Variants in GALNT2 observed in about 807,000 individuals in gnomAD.
The protein encoded by GALNT2 is polypeptide N-acetylgalactosaminyltransferase 2.
In GALNT2, 31 loss-of-function variants were observed where a neutral mutation model predicts 81.4. The ratio of observed to expected loss-of-function variants is 0.38; its 90% CI spans 0.29 to 0.51. The LOEUF (loss-of-function observed/expected upper bound fraction) is 0.51, where lower values mean the gene tolerates loss of function less well. GALNT2 is among the 20% of genes least tolerant of loss of function. GALNT2 has a pLI of 0.87. For missense variants in GALNT2, 629 were observed against 765.7 expected (o/e 0.82, Z 2.11); for synonymous variants, 303 against 287.4 (o/e 1.05, Z -0.55).
At chr1:230,156,250 TGTG>T (rs1662253587) in intron 1 of GALNT2, among the ~76,000 whole-genome samples, 4 of 149,738 alleles carry the variant, frequency 2.7e-5, no homozygotes, top group Non-Finnish European at 5.9e-5. Context: ...AGAGAGTGTG[TGTG>T]TGTGTGTGTG....
At chr1:230,183,701 G>A (rs1206725111) in intron 2 of GALNT2, among the ~76,000 whole-genome samples, 1 of 152,218 alleles carries the variant, frequency 6.6e-6, no homozygotes, top group Non-Finnish European at 1.5e-5. Context: ...AAATAGGCGA[G>A]GAGCAGTGGC....
Position 230,163,215 on chromosome 1 carries a change from T to C in GALNT2, c.127-15003T>C, listed in dbSNP as rs968730313. 5.9e-5 allele frequency among the ~76,000 whole-genome samples: 9 copies of C among 152,122 alleles called. No individual in the cohort carries two copies. The East Asian group carries it at 1.7e-3, about 29-fold the overall frequency. On this transcript the variant is annotated intron_variant, in intron 1 of 15. Transcript: ENST00000366672. ...AACTTTTGTCAAAGGAATTGTTAAA[T>C]CCCCCAACCTTCATGTGCAGTGAGG...
At position 230,212,708 on chromosome 1, in the gene GALNT2, A is replaced by G. The variant is rs115033204; in HGVS notation, c.374+9418A>G. Among the ~76,000 whole-genome samples, 584 of 152,270 alleles carry G rather than the reference A, an allele frequency of 3.8e-3. 7 individuals carry two copies. Among genetic ancestry groups the G allele is most frequent in the African/African-American group, 0.014 (565 of 41,550 alleles). ...TCCCAGGTTGTAACTTGCATCTGAT[A>G]TGCACAGTTCACACCAAAGCCATGT... On this transcript the variant is annotated intron_variant, in intron 3 of 15. Coordinates refer to ENST00000366672, the MANE Select transcript of GALNT2 (RefSeq NM_004481.5).
intron 13 of GALNT2, 148 bp downstream of exon 13, chr1:230,263,153 G>A: frequency 1.5e-6 from 1 of 649,034 alleles, no homozygotes; most frequent in Admixed American, 2.8e-5. Context: ...TCACTCCATG[G>A]TGTGGAGCTG....
rs1659345613 is a variant in GALNT2, at chr1:230,070,681, A to T, written c.126+3275A>T. On this transcript the variant is annotated intron_variant, in intron 1 of 15. Coordinates refer to ENST00000366672, the MANE Select transcript of GALNT2 (RefSeq NM_004481.5). The surrounding 1 kb of genome is among the most constrained non-coding windows in gnomAD (Gnocchi z 4.7). ...CCAAGGGTGGGGGACTTTGGGTGGGATCTTCTAGGAATCATGCGGGGAGGC... is the reference window on the plus strand; with the variant it reads ...CCAAGGGTGGGGGACTTTGGGTGGGTTCTTCTAGGAATCATGCGGGGAGGC... Among the ~76,000 whole-genome samples, 1 of 151,986 alleles carries T rather than the reference A, an allele frequency of 6.6e-6. No homozygotes were observed. Among genetic ancestry groups the T allele is most frequent in the Non-Finnish European group, 1.5e-5 (1 of 67,996 alleles).
At chr1:230,274,013 A>T (rs977112396) in intron 14 of GALNT2, among the ~76,000 whole-genome samples, 1 of 152,338 alleles carries the variant, frequency 6.6e-6, no homozygotes, top group East Asian at 1.9e-4. Context: ...TGCAGGCCAT[A>T]CCTGCATGAG....
intron 1 of GALNT2, among the ~76,000 whole-genome samples, chr1:230,133,515 A>G (rs1282436112): frequency 1.3e-5 from 2 of 149,542 alleles, no homozygotes; most frequent in Non-Finnish European, 3.0e-5. Context: ...GTGCAGTGGC[A>G]TGATCTCAGC....
intron 1 of GALNT2, among the ~76,000 whole-genome samples, chr1:230,138,946 CTT>C (rs1340129496): frequency 6.6e-6 from 1 of 152,152 alleles, no homozygotes. Flanking sequence ...ATGCTGACCT[CTT>C]GTCTTATCCT....
chr1:230,236,810 G>A (rs1665047766), intron 6 of GALNT2, 85 bp downstream of exon 6: 2 of 1,327,702 alleles, frequency 1.5e-6, no homozygotes, highest in Non-Finnish European at 2.1e-6. Flanking sequence ...AGCTCAAAGA[G>A]CAATTAATTG....
chr1:230,180,991 C>G (rs1663141509), intron 2 of GALNT2, among the ~76,000 whole-genome samples: 2 of 152,094 alleles, frequency 1.3e-5, no homozygotes, highest in African/African-American at 4.8e-5. Flanking sequence ...TTTATTAGTC[C>G]TAGGAAATTT....
chr1:230,090,833 C>G (rs1239145287), intron 1 of GALNT2, among the ~76,000 whole-genome samples: 1 of 152,122 alleles, frequency 6.6e-6, no homozygotes. Flanking sequence ...TCAGACTTAG[C>G]TTTGAGAGAG....
chr1:230,101,166 G>C (rs1660391665), intron 1 of GALNT2, among the ~76,000 whole-genome samples: 1 of 152,160 alleles, frequency 6.6e-6, no homozygotes, highest in Admixed American at 6.5e-5. Flanking sequence ...GCATTTCTTA[G>C]ACCAGATCTC....
chr1:230,104,349 C>G (rs180972511), intron 1 of GALNT2, among the ~76,000 whole-genome samples: 2 of 152,248 alleles, frequency 1.3e-5, no homozygotes, highest in African/African-American at 2.4e-5. Context: ...TAGGGAATCC[C>G]TTTTCCATGG....
chr1:230,205,733 C>CTTT (rs1292008430), intron 3 of GALNT2, among the ~76,000 whole-genome samples: 1 of 152,170 alleles, frequency 6.6e-6, no homozygotes, highest in Non-Finnish European at 1.5e-5. Flanking sequence ...GGGTCCTTCA[C>CTTT]TTTTTCCAGA....
chr1:230,164,596 C>T (rs1373797059), intron 1 of GALNT2, among the ~76,000 whole-genome samples: 3 of 151,080 alleles, frequency 2.0e-5, no homozygotes, highest in Admixed American at 6.6e-5. Context: ...TCCAGTGGTG[C>T]GATCTCGGCT....
chr1:230,138,181 A>G (rs918567246), intron 1 of GALNT2, among the ~76,000 whole-genome samples: 2 of 152,220 alleles, frequency 1.3e-5, no homozygotes, highest in African/African-American at 4.8e-5. Flanking sequence ...TGCACAAGAA[A>G]GAATTCAGGG....
chr1:230,189,263 G>A (rs768409770), intron 2 of GALNT2, among the ~76,000 whole-genome samples: 39 of 152,250 alleles, frequency 2.6e-4, no homozygotes, highest in Non-Finnish European at 3.2e-4. Flanking sequence ...TCCTAAGGCC[G>A]TCTGGATTCT....
intron 2 of GALNT2, among the ~76,000 whole-genome samples, chr1:230,198,978 G>A (rs1369376156): frequency 1.3e-5 from 2 of 152,078 alleles, no homozygotes; most frequent in Non-Finnish European, 2.9e-5. Flanking sequence ...GATGAAGCTA[G>A]TTTCTGCCTC....
At chr1:230,197,284 G>A (rs1163801503) in intron 2 of GALNT2, among the ~76,000 whole-genome samples, 1 of 152,308 alleles carries the variant, frequency 6.6e-6, no homozygotes, top group South Asian at 2.1e-4. Flanking sequence ...TTCTCACAGC[G>A]CTATGGGGAG....
Sources: gnomAD v4.1 joint callset for allele counts (sites outside exome capture counted in the v4.1 genomes callset) on GRCh38, gnomAD v4.1.1 for gene constraint, Gnocchi (gnomAD v3.1) non-coding constraint, MANE v1.5 for transcripts, NCBI Gene and HGNC (gene_info 2026-07-23, HGNC 2026-07-21) for gene names.